Variants in PPP3CA observed in about 807,000 individuals in gnomAD.
The protein encoded by PPP3CA is protein phosphatase 3 catalytic subunit alpha.
Under a neutral mutation model 66.5 loss-of-function variants are expected in PPP3CA, and 14 were observed. That is an observed-to-expected ratio of 0.21 (90% CI 0.14 to 0.33). The LOEUF (loss-of-function observed/expected upper bound fraction) is 0.33, where lower values mean the gene tolerates loss of function less well. PPP3CA is among the 10% of genes least tolerant of loss of function. PPP3CA has a pLI of 1.00. For synonymous variants in PPP3CA, 232 were observed against 226.2 expected (o/e 1.03, Z -0.23); for missense variants, 317 against 639.5 (o/e 0.50, Z 5.44).
Position 101,151,652 on chromosome 4 carries a change from CTTTTTT to C in PPP3CA, c.260-42580_260-42575del, listed in dbSNP as rs369745312. 7.0e-3 allele frequency among the ~76,000 whole-genome samples: 595 copies of C among 84,824 alleles called. 7 individuals carry two copies. Among genetic ancestry groups the C allele is most frequent in the African/African-American group, 0.027 (561 of 20,662 alleles). The allele number at this position is 84,824 out of a possible 152,430, so 55.6% of individuals were successfully genotyped here. ...CAAAATTTAGCTAAGCCAAGGTTTC[CTTTTTT>C]TTTTTTTTTTTTTTTTGAGATAGAG... On this transcript the variant is annotated intron_variant, in intron 2 of 13. Coordinates refer to ENST00000394854, the MANE Select transcript of PPP3CA (RefSeq NM_000944.5).
At chr4:101,031,926 G>A (rs1726983687) in intron 12 of PPP3CA, among the ~76,000 whole-genome samples, 1 of 152,140 alleles carries the variant, frequency 6.6e-6, no homozygotes, top group Non-Finnish European at 1.5e-5. Context: ...TTAAAAATGT[G>A]ATTAAAAAGT....
At chr4:101,094,312 T>C (rs931580949) in intron 5 of PPP3CA, among the ~76,000 whole-genome samples, 1 of 152,220 alleles carries the variant, frequency 6.6e-6, no homozygotes, top group Non-Finnish European at 1.5e-5. Flanking sequence ...GTTTCATTTA[T>C]TGAGAATTAC....
At chr4:101,108,819 T>C (rs1721536798) in intron 3 of PPP3CA, 135 bp downstream of exon 3, 3 of 878,080 alleles carry the variant, frequency 3.4e-6, no homozygotes, top group South Asian at 1.9e-5. Flanking sequence ...ATATAATATG[T>C]AATATCCTAT....
intron 1 of PPP3CA, among the ~76,000 whole-genome samples, chr4:101,254,721 G>A (rs1726784693): frequency 6.6e-6 from 1 of 151,656 alleles, no homozygotes; most frequent in South Asian, 2.1e-4. Context: ...AGTATTAATT[G>A]ACTCTTCCCT....
At chr4:101,294,406 A>G (rs1019445480) in intron 1 of PPP3CA, among the ~76,000 whole-genome samples, 1 of 152,010 alleles carries the variant, frequency 6.6e-6, no homozygotes, top group Non-Finnish European at 1.5e-5. Context: ...GCAATATGTA[A>G]CTCTATGACA....
chr4:101,089,671 A>C (rs940871750), intron 6 of PPP3CA, among the ~76,000 whole-genome samples: 1 of 152,198 alleles, frequency 6.6e-6, no homozygotes, highest in Non-Finnish European at 1.5e-5. Context: ...CATGAAATGA[A>C]AATTTGTCAT....
intron 1 of PPP3CA, among the ~76,000 whole-genome samples, chr4:101,327,048 TCTCA>T (rs1254858698): frequency 6.6e-6 from 1 of 152,148 alleles, no homozygotes; most frequent in Non-Finnish European, 1.5e-5. Context: ...ACTCACAAAA[TCTCA>T]CTGTCGGAAA....
At chr4:101,168,974 C>T (rs1403635880) in intron 2 of PPP3CA, among the ~76,000 whole-genome samples, 1 of 152,110 alleles carries the variant, frequency 6.6e-6, no homozygotes. Context: ...CCCCTTTATA[C>T]CTATTTGCTG....
rs557055868 is a variant in PPP3CA at position 101,066,762 on chromosome 4, C to T, written c.956-3405G>A. On this transcript the variant is annotated intron_variant, in intron 8 of 13. Transcript: ENST00000394854. ...TTAACGTTTCATCTTCCACCTCCCA[C>T]ATCCTCCGCCCCTGCCACCTGCCTC... Among the ~76,000 whole-genome samples, 10 of 152,268 alleles carry T rather than the reference C, an allele frequency of 6.6e-5. No homozygotes were observed. The South Asian group carries it at 1.5e-3, about 22-fold the overall frequency.
At chr4:101,277,680 C>T (rs1373952598) in intron 1 of PPP3CA, among the ~76,000 whole-genome samples, 1 of 152,170 alleles carries the variant, frequency 6.6e-6, no homozygotes, top group Non-Finnish European at 1.5e-5. Flanking sequence ...TTAAATCAAT[C>T]TATAAATGTG....
chr4:101,094,222 C>G (rs59933042), intron 5 of PPP3CA, among the ~76,000 whole-genome samples: 2,204 of 152,214 alleles, frequency 0.014, 58 homozygotes, highest in African/African-American at 0.049. Flanking sequence ...TTCTCCTATT[C>G]TACATTTTAT....
At chr4:101,086,178 GA>G (rs780460444) in intron 6 of PPP3CA, among the ~76,000 whole-genome samples, 5 of 152,070 alleles carry the variant, frequency 3.3e-5, no homozygotes, top group Non-Finnish European at 7.4e-5. Context: ...AAGCAAGCAA[GA>G]AAGCATCTGA....
chr4:101,265,933 A>T (rs760119417), intron 1 of PPP3CA, among the ~76,000 whole-genome samples: 25 of 152,286 alleles, frequency 1.6e-4, no homozygotes, highest in South Asian at 1.5e-3. Flanking sequence ...TAGAAAAAAA[A>T]AGTGTTTCTT....
At chr4:101,115,302 A>C (rs189947297) in intron 2 of PPP3CA, among the ~76,000 whole-genome samples, 106 of 152,088 alleles carry the variant, frequency 7.0e-4, no homozygotes, top group Non-Finnish European at 1.4e-3. Context: ...TGAGAATAGA[A>C]TCTTGGCAAA....
intron 2 of PPP3CA, among the ~76,000 whole-genome samples, chr4:101,120,217 A>G (rs1244820779): frequency 3.3e-5 from 5 of 152,138 alleles, no homozygotes; most frequent in Non-Finnish European, 2.9e-5. Flanking sequence ...TGAATAAAAC[A>G]CTGAAACATG....
chr4:101,030,269 A>G (rs1726881812), intron 12 of PPP3CA, among the ~76,000 whole-genome samples: 1 of 152,144 alleles, frequency 6.6e-6, no homozygotes, highest in Non-Finnish European at 1.5e-5. Context: ...TTTTCTTATA[A>G]TTCAAGATTT....
At chr4:101,026,091 C>T in intron 13 of PPP3CA, 30 bp from the exon 14 acceptor site, 1 of 1,539,266 alleles carries the variant, frequency 6.5e-7, no homozygotes, top group Non-Finnish European at 8.8e-7. Context: ...AAAAAGAAAA[C>T]CAGGATTATC....
At chr4:101,136,618 T>C (rs1461671311) in intron 2 of PPP3CA, among the ~76,000 whole-genome samples, 1 of 151,850 alleles carries the variant, frequency 6.6e-6, no homozygotes, top group East Asian at 1.9e-4. Flanking sequence ...GTTGCTGGAC[T>C]TCCTTGTTTG....
chr4:101,329,044 CA>C (rs1729292204), intron 1 of PPP3CA, among the ~76,000 whole-genome samples: 1 of 151,984 alleles, frequency 6.6e-6, no homozygotes, highest in Admixed American at 6.6e-5. Context: ...CACTTTAAAT[CA>C]AAAGGTAGAA....
Sources: allele counts gnomAD v4.1 joint callset (sites outside exome capture counted in the v4.1 genomes callset), GRCh38; gene constraint gnomAD v4.1.1; transcripts MANE v1.5; gene names NCBI Gene and HGNC (gene_info 2026-07-23, HGNC 2026-07-21).